Variants in DDX43 observed in about 807,000 individuals in gnomAD.
DDX43 encodes the protein DEAD-box helicase 43.
DDX43 carries 50 observed loss-of-function variants against 84.9 expected under a neutral mutation model. The observed-to-expected ratio is 0.59, with a 90% CI of 0.47 to 0.75. The LOEUF is 0.75. Ranked by LOEUF, DDX43 falls within the 30% of genes least tolerant of loss-of-function variation. The pLI, the probability that DDX43 is intolerant of heterozygous loss-of-function variation, is 0.00. For synonymous variants in DDX43, 291 were observed against 266.3 expected, an observed-to-expected ratio of 1.09 and a Z score of -0.90; for missense variants, 689 against 798.6, an observed-to-expected ratio of 0.86 and a Z score of 1.65.
At position 73,412,380 on chromosome 6, in the gene DDX43, C is replaced by T. The variant is rs1769803615; in HGVS notation, c.1368+88C>T. ...TTGGTGTGCCTAGTCTGCCCACTCC[C>T]CAATTTTAGGGCAAATCACACTTGC... is the stretch of plus-strand genomic sequence containing the variant. On this transcript the variant is annotated intron_variant, in intron 11 of 16. Transcript: ENST00000370336. The T allele has an allele frequency of 8.1e-6, 8 of 986,498 alleles. No homozygotes were observed. The Admixed American group carries it at 1.8e-4, about 22-fold the overall frequency. 61.1% of individuals were successfully genotyped at this position (986,498 alleles called of 1,614,324 possible).
intron 1 of DDX43, 117 bp downstream of exon 1, chr6:73,395,272 G>GTC (rs1437365844): frequency 7.8e-7 from 1 of 1,275,154 alleles, no homozygotes; most frequent in Admixed American, 2.5e-5. Flanking sequence ...TGAGGTTCAG[G>GTC]TCTCTCCCAG....
chr6:73,404,752 G>C lies in DDX43; in HGVS notation c.631G>C (p.Val211Leu), dbSNP rs370121261. The C allele has an allele frequency of 1.2e-5, 20 of 1,612,954 alleles. No homozygotes were observed. In the South Asian group the frequency reaches 2.2e-4, roughly 18 times the overall value. Residue 211 changes from valine to leucine, a missense_variant, in exon 5 of 17, where the codon GTA (valine) becomes CTA (leucine). By Grantham distance (32) the Val-to-Leu change is conservative. Coordinates refer to ENST00000370336, the MANE Select transcript of DDX43 (RefSeq NM_018665.3). Reference sequence around the variant, plus strand: ...CACTGCCACAAGTGCCATGTCAAAAGTAGAAGCAGATAGTTGGAGGTGGGT... The same window carrying C: ...CACTGCCACAAGTGCCATGTCAAAACTAGAAGCAGATAGTTGGAGGTGGGT... ...ESTATSAMSK[V>L]EADSWRKENF... is the part of the protein sequence containing the mutation.
chr6:73,400,346 A>G lies in DDX43; in HGVS notation c.419A>G (p.Asn140Ser), dbSNP rs746631522. The G allele has an allele frequency of 6.8e-6, 11 of 1,605,994 alleles. No individual in the cohort carries two copies. The East Asian group carries it at 9.0e-5, about 13-fold the overall frequency. The change falls in exon 3 of 17, where the codon AAT (asparagine) becomes AGT (serine). Residue 140 changes from asparagine (N) to serine (S), a missense_variant. Physicochemically the swap from Asn to Ser is conservative, Grantham distance 46. This residue lies in a region of DDX43 where 552 missense variants were observed against 692.7 expected (regional missense o/e 0.80). Transcript: ENST00000370336. ...NFVKKLEENYNSECGIDTAFQ... is the reference protein window; with the variant it reads ...NFVKKLEENYSSECGIDTAFQ... ...GTTAAAAAGCTAGAAGAAAATTACAATTCAGAATGCGGAATTGGTAAGTAA... is the reference window on the plus strand; with the variant it reads ...GTTAAAAAGCTAGAAGAAAATTACAGTTCAGAATGCGGAATTGGTAAGTAA...
chr6:73,411,412 T>C (rs1769783138), intron 10 of DDX43, among the ~76,000 whole-genome samples: 1 of 150,094 alleles, frequency 6.7e-6, no homozygotes, highest in Admixed American at 6.7e-5. Flanking sequence ...CACTGCAACC[T>C]CTGCTTCCCA....
Position 73,400,393 on chromosome 6 carries a change from TA to T in DDX43, c.436+34del, listed in dbSNP as rs779742597. ...GTAATTTTCTCCCACTGAACCCCTT[TA>T]AAAGTTTTTAATTTCATTCAGTGTT... On this transcript the variant is annotated intron_variant, in intron 3 of 16. Transcript: ENST00000370336. 27 of 1,561,270 alleles carry T rather than the reference TA, an allele frequency of 1.7e-5. No individual in the cohort carries two copies. In the South Asian group the frequency reaches 3.3e-4, roughly 19 times the overall value.
At chr6:73,413,098 C>T (rs948313751) in intron 11 of DDX43, among the ~76,000 whole-genome samples, 5 of 152,158 alleles carry the variant, frequency 3.3e-5, no homozygotes, top group African/African-American at 1.2e-4. Context: ...CGTAGGTCTA[C>T]ATATATACAT....
intron 2 of DDX43, chr6:73,398,081 GAT>G (rs1216854033): frequency 1.1e-5 from 2 of 185,696 alleles, no homozygotes; most frequent in African/African-American, 4.7e-5. Flanking sequence ...AAAGTGTTGG[GAT>G]TACAGGCATG....
intron 10 of DDX43, among the ~76,000 whole-genome samples, chr6:73,409,795 C>A (rs1250301445): frequency 6.6e-6 from 1 of 152,102 alleles, no homozygotes; most frequent in African/African-American, 2.4e-5. Flanking sequence ...CTTTGGGAGG[C>A]CGAGGTGGGT....
intron 1 of DDX43, among the ~76,000 whole-genome samples, chr6:73,397,105 C>G (rs529657259): frequency 1.3e-5 from 2 of 152,258 alleles, no homozygotes; most frequent in African/African-American, 4.8e-5. Flanking sequence ...TATGTTAATT[C>G]TGTTTTTAAT....
At chr6:73,414,859 A>G (rs16883692) in intron 14 of DDX43, among the ~76,000 whole-genome samples, 173 bp downstream of exon 14, 5,868 of 152,068 alleles carry the variant, frequency 0.039, 361 homozygotes, top group East Asian at 0.16. Flanking sequence ...TCCAGACTCA[A>G]CCAGATTCCA....
intron 15 of DDX43, 81 bp from the exon 16 acceptor site, chr6:73,416,032 T>C (rs1355636096): frequency 1.3e-6 from 1 of 770,708 alleles, no homozygotes. Flanking sequence ...AGCTGTGCGA[T>C]TATCTGAAAT....
intron 14 of DDX43, 70 bp downstream of exon 14, chr6:73,414,756 C>A: frequency 7.1e-7 from 1 of 1,401,008 alleles, no homozygotes; most frequent in Non-Finnish European, 9.6e-7. Flanking sequence ...AAACTTCTTG[C>A]CCAGAAAACC....
intron 2 of DDX43, 173 bp downstream of exon 2, chr6:73,397,917 C>T: frequency 2.2e-6 from 1 of 460,092 alleles, no homozygotes; most frequent in Non-Finnish European, 3.8e-6. Context: ...CCTGCTTCAG[C>T]CTCCTGAGTA....
intron 10 of DDX43, among the ~76,000 whole-genome samples, chr6:73,410,593 T>G (rs1389890233): frequency 6.6e-6 from 1 of 152,186 alleles, no homozygotes; most frequent in Non-Finnish European, 1.5e-5. Flanking sequence ...TTTGAAGGTT[T>G]GTTTTGTTTT....
At chr6:73,404,067 C>A (rs1198595483) in intron 4 of DDX43, among the ~76,000 whole-genome samples, 1 of 151,952 alleles carries the variant, frequency 6.6e-6, no homozygotes. Context: ...GATCCACCAG[C>A]CTTGGCCTCC....
rs773430200 is a variant in DDX43, at chr6:73,395,015, G to C, written c.110G>C (p.Arg37Pro). The change falls in exon 1 of 17, where the codon CGA becomes CCA. Residue 37 changes from arginine to proline, a missense_variant. Arg to Pro is a moderately radical substitution (Grantham distance 103). Around this residue, in one of 2 missense-constraint regions of DDX43, gnomAD observed 137 missense variants for 105.9 expected, o/e 1.29. Coordinates refer to ENST00000370336, the MANE Select transcript of DDX43 (RefSeq NM_018665.3). ...PERRPAEELN[R>P]TGPEGYSVGR... ...AGGAGGCCGGCGGAGGAGTTGAATCGAACAGGTCCTGAGGGATATAGTGTC... is the reference window on the plus strand; with the variant it reads ...AGGAGGCCGGCGGAGGAGTTGAATCCAACAGGTCCTGAGGGATATAGTGTC... 3.7e-6 allele frequency: 6 copies of C among 1,614,138 alleles called. No homozygotes were observed. The African/African-American group carries it at 8.0e-5, about 22-fold the overall frequency.
At chr6:73,403,587 A>G (rs1034007759) in intron 4 of DDX43, among the ~76,000 whole-genome samples, 3 of 152,206 alleles carry the variant, frequency 2.0e-5, no homozygotes, top group Admixed American at 6.5e-5. Flanking sequence ...TAATCAAACT[A>G]TTATGTGTGG....
chr6:73,395,668 C>T lies in DDX43; in HGVS notation c.250+513C>T, dbSNP rs540227639. Among the ~76,000 whole-genome samples the T allele has an allele frequency of 2.0e-5, 3 of 149,754 alleles. No homozygotes were observed. In the South Asian group the frequency reaches 6.4e-4, roughly 32 times the overall value. On this transcript the variant is annotated intron_variant, in intron 1 of 16. Coordinates refer to ENST00000370336, the MANE Select transcript of DDX43 (RefSeq NM_018665.3). ...ATCCACCTTTTGGTGTTTATACAGACAATGTATTTGGGAGAGCAACTCCTA... is the reference window on the plus strand; with the variant it reads ...ATCCACCTTTTGGTGTTTATACAGATAATGTATTTGGGAGAGCAACTCCTA...
intron 12 of DDX43, 35 bp from the exon 13 acceptor site, chr6:73,413,935 G>A: frequency 6.5e-7 from 1 of 1,549,380 alleles, no homozygotes; most frequent in African/African-American, 1.4e-5. Context: ...ATTAGAATAA[G>A]CACCTAAGAA....
Sources: allele counts gnomAD v4.1 joint callset (sites outside exome capture counted in the v4.1 genomes callset), GRCh38; gene constraint gnomAD v4.1.1; regional missense constraint gnomAD v4.1.1; transcripts MANE v1.5; gene names NCBI Gene and HGNC (gene_info 2026-07-23, HGNC 2026-07-21).